The following C12orf42 variants were observed in gnomAD, a reference collection of about 807,000 sequenced individuals.
The protein encoded by C12orf42 is chromosome 12 open reading frame 42.
Under a neutral mutation model 21.6 loss-of-function variants are expected in C12orf42, and 25 were observed. That is an observed-to-expected ratio of 1.16 (90% CI 0.84 to 1.62). C12orf42 has a LOEUF of 1.62. Among genes scored for constraint, C12orf42 ranks in the 40% most tolerant of loss-of-function variants. The pLI is 0.00. For missense variants in C12orf42, 483 were observed against 459.3 expected, an observed-to-expected ratio of 1.05 and a Z score of -0.47; for synonymous variants, 174 against 175.0, an observed-to-expected ratio of 0.99 and a Z score of 0.05.
chr12:103,146,653 G>C, the C12orf42 span, among the ~76,000 whole-genome samples: 1 of 151,746 alleles, frequency 6.6e-6, no homozygotes, highest in Non-Finnish European at 1.5e-5. Context: ...GCATGTGGAG[G>C]CAAAACCAAT....
At chr12:103,525,878 A>T in the C12orf42 span, among the ~76,000 whole-genome samples, 1 of 152,172 alleles carries the variant, frequency 6.6e-6, no homozygotes, top group Non-Finnish European at 1.5e-5. Flanking sequence ...AAATACAAAA[A>T]TTAGCTGGGC....
chr12:103,476,636 AC>A (rs1954074356), intron 2 of C12orf42, among the ~76,000 whole-genome samples: 1 of 152,216 alleles, frequency 6.6e-6, no homozygotes, highest in African/African-American at 2.4e-5. Flanking sequence ...TAAGGGGGAT[AC>A]TTTTCTTGGG....
intron 4 of C12orf42, among the ~76,000 whole-genome samples, chr12:103,329,358 C>T (rs1421151822): frequency 6.6e-6 from 1 of 152,060 alleles, no homozygotes; most frequent in Admixed American, 6.6e-5. Flanking sequence ...GGGAGGGGAA[C>T]ATCACACACA....
At chr12:103,301,188 A>G (rs2037623014), downstream of C12orf42, among the ~76,000 whole-genome samples, 2 of 152,192 alleles carry the variant, frequency 1.3e-5, no homozygotes, top group Non-Finnish European at 2.9e-5. Context: ...TGAAGAAAAA[A>G]AAATTTTTTT....
chr12:103,165,769 C>A, the C12orf42 span, among the ~76,000 whole-genome samples: 1 of 151,706 alleles, frequency 6.6e-6, no homozygotes, highest in African/African-American at 2.4e-5. Context: ...AGGCCGGGCG[C>A]GGTGGCTCAC....
the C12orf42 span, among the ~76,000 whole-genome samples, chr12:103,544,037 G>A: frequency 1.3e-5 from 2 of 151,976 alleles, no homozygotes; most frequent in African/African-American, 4.8e-5. Context: ...GGGATTACAG[G>A]CACCTGCCAC....
intron 4 of C12orf42, among the ~76,000 whole-genome samples, chr12:103,360,984 C>T (rs1322383198): frequency 6.6e-6 from 1 of 152,090 alleles, no homozygotes; most frequent in Non-Finnish European, 1.5e-5. Flanking sequence ...AACTGCAAGC[C>T]TTTAACAGGG....
downstream of C12orf42, among the ~76,000 whole-genome samples, chr12:103,264,669 T>A (rs1593238078): frequency 1.3e-5 from 2 of 152,156 alleles, no homozygotes; most frequent in Non-Finnish European, 2.9e-5. Flanking sequence ...CTTGAGTGGT[T>A]TACTGAAAGA....
the C12orf42 span, among the ~76,000 whole-genome samples, chr12:103,146,558 A>AG: frequency 4.3e-5 from 5 of 115,536 alleles, no homozygotes; most frequent in East Asian, 2.5e-4. Context: ...AAATAAAGAA[A>AG]GAAAAGAAAG....
upstream of C12orf42, among the ~76,000 whole-genome samples, chr12:103,499,388 C>T (rs546259065): frequency 6.6e-6 from 1 of 152,222 alleles, no homozygotes; most frequent in South Asian, 2.1e-4. Context: ...TTTTATTTGT[C>T]AATTATACCA....
intron 2 of C12orf42, among the ~76,000 whole-genome samples, chr12:103,458,939 G>C (rs1246434146): frequency 1.0e-4 from 15 of 148,914 alleles, no homozygotes; most frequent in Middle Eastern, 3.4e-3. Flanking sequence ...TAGACACCAA[G>C]ATGTATTAAA....
chr12:103,432,437 G>A (rs759452599), intron 2 of C12orf42, among the ~76,000 whole-genome samples: 4 of 152,150 alleles, frequency 2.6e-5, no homozygotes, highest in African/African-American at 4.8e-5. Flanking sequence ...CCTGCCCTGC[G>A]CATATCTGAC....
intron 4 of C12orf42, among the ~76,000 whole-genome samples, chr12:103,349,974 T>C (rs2374052): frequency 0.47 from 71,977 of 151,958 alleles, 19,421 homozygotes; most frequent in African/African-American, 0.75. Context: ...ATTTTTCAAT[T>C]ATAAAAATAC....
intron 2 of C12orf42, among the ~76,000 whole-genome samples, chr12:103,443,708 T>C (rs1352543499): frequency 6.6e-6 from 1 of 152,072 alleles, no homozygotes; most frequent in Non-Finnish European, 1.5e-5. Context: ...GCAGTGTTTT[T>C]CTCCACTGAG....
chr12:103,304,288 A>G (rs1161245862), intron 5 of C12orf42, among the ~76,000 whole-genome samples: 1 of 152,192 alleles, frequency 6.6e-6, no homozygotes, highest in African/African-American at 2.4e-5. Context: ...GATCAGCAGT[A>G]TTCTAGACCT....
intron 4 of C12orf42, among the ~76,000 whole-genome samples, chr12:103,340,139 G>A (rs985550974): frequency 6.6e-6 from 1 of 152,216 alleles, no homozygotes; most frequent in Non-Finnish European, 1.5e-5. Flanking sequence ...GAGGGCTGGG[G>A]AGAGCAAAAT....
intron 5 of C12orf42, among the ~76,000 whole-genome samples, chr12:103,303,191 C>T (rs2037909206): frequency 2.0e-5 from 3 of 151,960 alleles, no homozygotes; most frequent in Non-Finnish European, 4.4e-5. Flanking sequence ...AATAATTTTT[C>T]CATACAAAAG....
chr12:103,379,196 T>G (rs147953211), intron 3 of C12orf42, among the ~76,000 whole-genome samples: 1 of 152,332 alleles, frequency 6.6e-6, no homozygotes, highest in African/African-American at 2.4e-5. Flanking sequence ...CTATCTCCAC[T>G]TAGTTATTAA....
chr12:103,248,778 C>T (rs2034137790), intron 10 of C12orf42, among the ~76,000 whole-genome samples: 1 of 151,958 alleles, frequency 6.6e-6, no homozygotes, highest in Admixed American at 6.6e-5. Context: ...CTTAATTTCT[C>T]CATCTGTAAA....
Sources: gnomAD v4.1 joint callset for allele counts (sites outside exome capture counted in the v4.1 genomes callset) on GRCh38, gnomAD v4.1.1 for gene constraint, MANE v1.5 for transcripts, NCBI Gene and HGNC (gene_info 2026-07-23, HGNC 2026-07-21) for gene names.